TBCD: variants seen among roughly 807,000 people sequenced by gnomAD.
TBCD encodes the protein tubulin-specific chaperone D.
In TBCD, 105 loss-of-function variants were observed where a neutral mutation model predicts 169.3. The observed-to-expected ratio is 0.62, with a 90% CI of 0.53 to 0.73. The LOEUF (loss-of-function observed/expected upper bound fraction) is 0.73. Ranked by LOEUF, TBCD falls within the 30% of genes least tolerant of loss-of-function variation. TBCD has a pLI of 0.00. For missense variants in TBCD, 1,444 were observed against 1,600.1 expected (o/e 0.90, Z 1.66); for synonymous variants, 700 against 643.9 (o/e 1.09, Z -1.32).
rs545946757 is a variant in TBCD at position 82,941,137 on chromosome 17, G to C, written c.3480-262G>C. 3.5e-3 allele frequency among the ~76,000 whole-genome samples: 536 copies of C among 152,374 alleles called. 3 individuals carry two copies. The highest frequency in any genetic ancestry group is 0.013 in the African/African-American group (520 of 41,596). ...CTTGGTCTGTCCTCCCGCAGTCCCT[G>C]CGCTGGGCGTGGTCCTTCCCGAGGG... On this transcript the variant is annotated intron_variant, in intron 37 of 38. Transcript: ENST00000355528.
intron 18 of TBCD, among the ~76,000 whole-genome samples, chr17:82,901,110 T>C (rs574576684): frequency 3.3e-5 from 5 of 152,392 alleles, no homozygotes; most frequent in African/African-American, 4.8e-5. Flanking sequence ...GTTTCTGCGC[T>C]GTCTCCTGGG....
At chr17:82,767,482 C>T (rs1188470800) in intron 4 of TBCD, among the ~76,000 whole-genome samples, 1 of 151,932 alleles carries the variant, frequency 6.6e-6, no homozygotes, top group Non-Finnish European at 1.5e-5. Flanking sequence ...ACTCTTCTTG[C>T]CCAGGTTGGA....
At chr17:82,938,607 T>C (rs1008102267) in intron 36 of TBCD, among the ~76,000 whole-genome samples, 1 of 152,240 alleles carries the variant, frequency 6.6e-6, no homozygotes, top group African/African-American at 2.4e-5. Context: ...TGCCGGACCC[T>C]CAGGCTTGGC....
Position 82,799,920 on chromosome 17 carries a change from G to A in TBCD, c.818-944G>A, listed in dbSNP as rs570216649. 1.1e-4 allele frequency among the ~76,000 whole-genome samples: 17 copies of A among 152,290 alleles called. No homozygotes were observed. In the East Asian group the frequency reaches 3.3e-3, roughly 29 times the overall value. On this transcript the variant is annotated intron_variant, in intron 8 of 38. Coordinates refer to ENST00000355528, the MANE Select transcript of TBCD (RefSeq NM_005993.5). Reference sequence around the variant, plus strand: ...TATGAGTTAAACGGCACCTCTGCCCGAGGTCACGGCACCCACATAAAACTG... The same window carrying A: ...TATGAGTTAAACGGCACCTCTGCCCAAGGTCACGGCACCCACATAAAACTG...
At chr17:82,795,617 C>T (rs1010079941) in intron 7 of TBCD, 5 of 985,206 alleles carry the variant, frequency 5.1e-6, no homozygotes, top group African/African-American at 1.7e-5. Flanking sequence ...AGATTTCAGC[C>T]GCTCGCAGGT....
chr17:82,896,677 TG>T (rs1172627911), intron 17 of TBCD, among the ~76,000 whole-genome samples: 1 of 152,014 alleles, frequency 6.6e-6, no homozygotes, highest in Admixed American at 6.6e-5. Flanking sequence ...TTGCCCAGGG[TG>T]GTCTTGAACC....
rs1416800214 is a variant in TBCD at position 82,922,550 on chromosome 17, A to G, written c.2178+973A>G. 3.3e-5 allele frequency among the ~76,000 whole-genome samples: 5 copies of G among 151,874 alleles called. No homozygotes were observed. Among genetic ancestry groups the G allele is most frequent in the Admixed American group, 1.3e-4 (2 of 15,252 alleles). ...TTTTTTTTTCTTAAGGAACTTGAAC[A>G]TTCTGTAGGATCCAAGTACCGTTCT... On this transcript the variant is annotated intron_variant, in intron 25 of 38. Transcript: ENST00000355528. The surrounding 1 kb of genome is among the most constrained non-coding windows in gnomAD (Gnocchi z 4.1).
intron 13 of TBCD, among the ~76,000 whole-genome samples, chr17:82,851,597 G>A (rs1233128510): frequency 6.6e-6 from 1 of 152,224 alleles, no homozygotes; most frequent in Non-Finnish European, 1.5e-5. Context: ...AAAGGAGAAA[G>A]GTTCACTCTG....
intron 14 of TBCD, among the ~76,000 whole-genome samples, chr17:82,872,925 C>T (rs1481187372): frequency 6.9e-6 from 1 of 144,090 alleles, no homozygotes; most frequent in African/African-American, 2.8e-5. Flanking sequence ...ACCTCGTGGC[C>T]GACGGCTTCT....
At chr17:82,925,528 C>T (rs1214549839) in intron 27 of TBCD, among the ~76,000 whole-genome samples, 6 of 152,168 alleles carry the variant, frequency 3.9e-5, no homozygotes, top group South Asian at 4.1e-4. Context: ...ACCAACCTGC[C>T]GGGAACTCCT....
intron 15 of TBCD, among the ~76,000 whole-genome samples, chr17:82,887,058 A>G (rs1389588356): frequency 1.3e-5 from 2 of 151,814 alleles, no homozygotes; most frequent in Admixed American, 6.5e-5. Flanking sequence ...CAAAACCGCA[A>G]TGGAACATCA....
chr17:82,768,639 T>C, intron 5 of TBCD, 73 bp downstream of exon 5: 1 of 1,530,466 alleles, frequency 6.5e-7, no homozygotes, highest in Non-Finnish European at 8.9e-7. Context: ...ATGTTAGTGG[T>C]TTACTCGGTA....
chr17:82,868,460 C>CCCT (rs2057337540), intron 13 of TBCD, among the ~76,000 whole-genome samples: 1 of 152,136 alleles, frequency 6.6e-6, no homozygotes, highest in African/African-American at 2.4e-5. Flanking sequence ...TTTCCCTAGC[C>CCCT]CCTCACTCTG....
At chr17:82,898,901 T>A (rs2059675047) in intron 17 of TBCD, among the ~76,000 whole-genome samples, 1 of 152,242 alleles carries the variant, frequency 6.6e-6, no homozygotes, top group Admixed American at 6.5e-5. Flanking sequence ...TGACAGTGTG[T>A]CCACCTGCGT....
At chr17:82,795,006 G>A (rs1357732201) in intron 7 of TBCD, among the ~76,000 whole-genome samples, 1 of 152,258 alleles carries the variant, frequency 6.6e-6, no homozygotes, top group Non-Finnish European at 1.5e-5. Context: ...GACGGTGGAA[G>A]CTGGGCTGGG....
Position 82,829,995 on chromosome 17 carries a change from TTTTG to T in TBCD, c.1318+15081_1318+15084del, listed in dbSNP as rs142352768. On this transcript the variant is annotated intron_variant, in intron 13 of 38. Coordinates refer to ENST00000355528, the MANE Select transcript of TBCD (RefSeq NM_005993.5). ...TTTATAAAAACTGAATTGGAGGGTT[TTTTG>T]TTTGTTTGTTTGTTTGTTTTTTTGA... 0.46 allele frequency: 574,323 copies of T among 1,235,914 alleles called. 140,998 individuals carry two copies. Among genetic ancestry groups the T allele is most frequent in the South Asian group, 0.62 (44,057 of 70,842 alleles). The allele number at this position is 1,235,914 out of a possible 1,614,324, so 76.6% of individuals were successfully genotyped here. A position where few individuals can be genotyped will look rare whatever the true frequency, so the allele number is the denominator to read the frequency against.
chr17:82,820,404 A>G (rs2052319522), intron 13 of TBCD, among the ~76,000 whole-genome samples: 2 of 152,182 alleles, frequency 1.3e-5, no homozygotes, highest in Admixed American at 6.5e-5. Flanking sequence ...TATGAACCCT[A>G]TTTCCCTTGC....
At position 82,781,699 on chromosome 17, in the gene TBCD, T is replaced by C; in HGVS notation, c.749T>C (p.Met250Thr). ...CAGACCATGCAGGGGGTCATCACCATGGATGGGACGCTGCAGGCCCTGGTA... is the reference window on the plus strand; with the variant it reads ...CAGACCATGCAGGGGGTCATCACCACGGATGGGACGCTGCAGGCCCTGGTA... ...SFQTMQGVITMDGTLQALAQI... is the reference protein window; with the variant it reads ...SFQTMQGVITTDGTLQALAQI... The change falls in exon 7 of 39, where the codon ATG becomes ACG. Residue 250 changes from methionine to threonine, a missense_variant. Met to Thr is a moderately conservative substitution (Grantham distance 81). Transcript: ENST00000355528. 2.5e-6 allele frequency: 4 copies of C among 1,613,674 alleles called. No individual in the cohort carries two copies. Among genetic ancestry groups the C allele is most frequent in the Non-Finnish European group, 3.4e-6 (4 of 1,179,822 alleles).
intron 23 of TBCD, among the ~76,000 whole-genome samples, chr17:82,917,845 G>A (rs905322546): frequency 1.3e-5 from 2 of 152,174 alleles, no homozygotes; most frequent in African/African-American, 4.8e-5. Flanking sequence ...GGTTCTTGTG[G>A]CGCCCCCTGG....
Sources: gnomAD v4.1 joint callset for allele counts (sites outside exome capture counted in the v4.1 genomes callset) on GRCh38, gnomAD v4.1.1 for gene constraint, Gnocchi (gnomAD v3.1) non-coding constraint, MANE v1.5 for transcripts, NCBI Gene and HGNC (gene_info 2026-07-23, HGNC 2026-07-21) for gene names.